Variants in WDR70 observed in about 807,000 individuals in gnomAD.
WDR70 encodes the protein WD repeat-containing protein 70.
A neutral mutation model predicts 88.6 loss-of-function variants in WDR70; 53 were observed. That is an observed-to-expected ratio of 0.60 (90% confidence interval 0.48 to 0.75). The LOEUF (loss-of-function observed/expected upper bound fraction) is 0.75, where lower values mean the gene tolerates loss of function less well. WDR70 is among the 30% of genes least tolerant of loss of function. The probability of loss-of-function intolerance (pLI) is 0.00; values close to 1 mark genes in which losing one functional copy is unlikely to be tolerated. For synonymous variants in WDR70, 280 were observed against 270.0 expected (o/e 1.04, Z -0.36); for missense variants, 610 against 823.2 (o/e 0.74, Z 3.17).
chr5:37,749,374 C>T (rs1033977304), intron 17 of WDR70, among the ~76,000 whole-genome samples: 1 of 152,136 alleles, frequency 6.6e-6, no homozygotes, highest in African/African-American at 2.4e-5. Context: ...GCCTCATGTT[C>T]TCACTCATAA....
chr5:37,389,305 G>T (rs1748735273), intron 3 of WDR70, among the ~76,000 whole-genome samples: 2 of 135,756 alleles, frequency 1.5e-5, no homozygotes, highest in African/African-American at 7.5e-5. Context: ...TCGAGACCAG[G>T]CTGGTCTCGA....
At chr5:37,494,659 G>A (rs1301309373) in intron 8 of WDR70, among the ~76,000 whole-genome samples, 1 of 152,198 alleles carries the variant, frequency 6.6e-6, no homozygotes, top group Non-Finnish European at 1.5e-5. Flanking sequence ...AAATATTTGT[G>A]AAATCAGTAA....
At chr5:37,676,547 C>G (rs546880461) in intron 10 of WDR70, among the ~76,000 whole-genome samples, 3 of 151,882 alleles carry the variant, frequency 2.0e-5, no homozygotes, top group Admixed American at 2.0e-4. Context: ...TATTGATTTG[C>G]GTATATTGAA....
At chr5:37,443,090 T>G (rs1750704095) in intron 6 of WDR70, 149 bp from the exon 7 acceptor site, 2 of 784,702 alleles carry the variant, frequency 2.5e-6, no homozygotes, top group African/African-American at 3.5e-5. Context: ...CAACCATCCA[T>G]TCCTGCTTTT....
At chr5:37,578,512 A>T (rs1743121185) in intron 9 of WDR70, among the ~76,000 whole-genome samples, 1 of 152,212 alleles carries the variant, frequency 6.6e-6, no homozygotes, top group African/African-American at 2.4e-5. Context: ...ATGAAATTTT[A>T]ATAACACACT....
chr5:37,721,949 C>A (rs1458516249), intron 14 of WDR70: 1 of 152,022 alleles, frequency 6.6e-6, no homozygotes, highest in Non-Finnish European at 1.5e-5. Context: ...CCCATATAAA[C>A]CTGTTTTAAG....
intron 13 of WDR70, among the ~76,000 whole-genome samples, chr5:37,704,228 A>T (rs1012280846): frequency 2.6e-5 from 4 of 152,228 alleles, no homozygotes; most frequent in African/African-American, 9.6e-5. Context: ...GAGCCAACTA[A>T]AACACTAGAA....
intron 17 of WDR70, among the ~76,000 whole-genome samples, chr5:37,740,682 G>A (rs968607920): frequency 1.3e-5 from 2 of 152,202 alleles, no homozygotes; most frequent in South Asian, 2.1e-4. Flanking sequence ...GCCTGAGAGT[G>A]TAACCCCAAA....
At chr5:37,658,096 A>G (rs1745606457) in intron 10 of WDR70, among the ~76,000 whole-genome samples, 1 of 152,212 alleles carries the variant, frequency 6.6e-6, no homozygotes, top group Non-Finnish European at 1.5e-5. Flanking sequence ...AATAAGGAAG[A>G]AAAAACATAT....
chr5:37,393,837 T>C (rs1165428312), intron 4 of WDR70, among the ~76,000 whole-genome samples: 1 of 152,078 alleles, frequency 6.6e-6, no homozygotes, highest in Non-Finnish European at 1.5e-5. Context: ...TGTGCCACCA[T>C]GCCTGGCTAA....
chr5:37,640,629 T>C, intron 10 of WDR70, among the ~76,000 whole-genome samples: 1 of 152,220 alleles, frequency 6.6e-6, no homozygotes, highest in East Asian at 1.9e-4. Context: ...AGCTTACCTT[T>C]TGATCTTAAA....
chr5:37,406,969 A>G (rs1393721928), intron 5 of WDR70, among the ~76,000 whole-genome samples: 1 of 152,224 alleles, frequency 6.6e-6, no homozygotes, highest in Non-Finnish European at 1.5e-5. Context: ...TACCTGAAAC[A>G]AAAGGAACTA....
At chr5:37,387,649 GTT>G (rs35840030) in intron 3 of WDR70, among the ~76,000 whole-genome samples, 129 of 146,196 alleles carry the variant, frequency 8.8e-4, no homozygotes, top group Non-Finnish European at 9.4e-4. Context: ...ATTCATAAGA[GTT>G]TTTTTTTTTT....
chr5:37,717,230 G>A (rs954725778), intron 13 of WDR70, among the ~76,000 whole-genome samples: 9 of 152,222 alleles, frequency 5.9e-5, no homozygotes, highest in African/African-American at 1.4e-4. Context: ...AGGAAATGAA[G>A]TAGATTAGTG....
chr5:37,557,959 T>TTTGAAGACTCTTCA, intron 9 of WDR70, among the ~76,000 whole-genome samples: 1 of 146,506 alleles, frequency 6.8e-6, no homozygotes, highest in Non-Finnish European at 1.5e-5. Context: ...AAAAGAGTAT[T>TTTGAAGACTCTTCA]ATGTATATTT....
At chr5:37,637,421 A>G (rs1745003674) in intron 10 of WDR70, among the ~76,000 whole-genome samples, 1 of 151,996 alleles carries the variant, frequency 6.6e-6, no homozygotes. Flanking sequence ...TGTTTTTGAA[A>G]TACCCTTGTT....
At chr5:37,721,476 G>A in intron 14 of WDR70, 1 of 492,176 alleles carries the variant, frequency 2.0e-6, no homozygotes, top group Non-Finnish European at 3.7e-6. Context: ...AGTGCAAGGG[G>A]GAAAAACGTT....
chr5:37,727,347 A>G (rs940169814), intron 17 of WDR70, among the ~76,000 whole-genome samples: 1 of 152,206 alleles, frequency 6.6e-6, no homozygotes, highest in African/African-American at 2.4e-5. Flanking sequence ...TATGTGCATT[A>G]TCTTAGTTGA....
intron 10 of WDR70, among the ~76,000 whole-genome samples, chr5:37,691,718 A>G (rs1046484625): frequency 7.9e-5 from 12 of 152,158 alleles, no homozygotes; most frequent in Non-Finnish European, 1.5e-4. Flanking sequence ...GCAGTGTGTA[A>G]AGGGAAATTT....
Sources: allele counts gnomAD v4.1 joint callset (sites outside exome capture counted in the v4.1 genomes callset), GRCh38; gene constraint gnomAD v4.1.1; transcripts MANE v1.5; gene names NCBI Gene and HGNC (gene_info 2026-07-23, HGNC 2026-07-21).